Variants in MAGI2 observed in about 807,000 individuals in gnomAD.
MAGI2 encodes membrane associated guanylate kinase, WW and PDZ domain containing 2.
Under a neutral mutation model 133.3 loss-of-function variants are expected in MAGI2, and 35 were observed. The observed-to-expected ratio is 0.26, with a 90% CI of 0.20 to 0.35. MAGI2 has a LOEUF of 0.35. MAGI2 is among the 10% of genes least tolerant of loss of function. MAGI2 has a pLI of 1.00. For missense variants in MAGI2, 1,636 were observed against 1,863.4 expected, an observed-to-expected ratio of 0.88 and a Z score of 2.25; for synonymous variants, 729 against 710.6, an observed-to-expected ratio of 1.03 and a Z score of -0.41.
At chr7:78,553,012 T>C (rs566199170) in intron 3 of MAGI2, among the ~76,000 whole-genome samples, 5 of 148,526 alleles carry the variant, frequency 3.4e-5, no homozygotes, top group African/African-American at 1.2e-4. Context: ...TAGCATGGAG[T>C]GGAGGAAGAT....
At chr7:79,035,950 A>T (rs1811088776) in intron 1 of MAGI2, among the ~76,000 whole-genome samples, 1 of 152,242 alleles carries the variant, frequency 6.6e-6, no homozygotes, top group African/African-American at 2.4e-5. Flanking sequence ...TGAATAATTT[A>T]AAAATTGTTT....
chr7:78,729,178 G>C (rs1220944105), intron 2 of MAGI2, among the ~76,000 whole-genome samples: 1 of 152,100 alleles, frequency 6.6e-6, no homozygotes, highest in Non-Finnish European at 1.5e-5. Flanking sequence ...AGGCACATTG[G>C]TTTAGTGCCA....
chr7:79,260,365 TAC>T, intron 1 of MAGI2, among the ~76,000 whole-genome samples: 1 of 86 alleles, frequency 0.012, no homozygotes, highest in Admixed American at 0.1. Flanking sequence ...TCTAAGTAAA[TAC>T]ATACATACAT....
chr7:78,715,504 G>A (rs1819614021), intron 2 of MAGI2, among the ~76,000 whole-genome samples: 1 of 152,102 alleles, frequency 6.6e-6, no homozygotes, highest in African/African-American at 2.4e-5. Context: ...CAATCTACAT[G>A]ATATAGATTT....
chr7:78,511,555 T>A (rs200032883), intron 4 of MAGI2, among the ~76,000 whole-genome samples: 21,152 of 115,314 alleles, frequency 0.18, 1,394 homozygotes, highest in South Asian at 0.36. Context: ...ATATAAATTT[T>A]TTTTTTTTTT....
At chr7:78,994,357 C>G (rs1410227813) in intron 2 of MAGI2, among the ~76,000 whole-genome samples, 6 of 152,050 alleles carry the variant, frequency 3.9e-5, no homozygotes. Flanking sequence ...CAGCTACTAA[C>G]CTTGGTCTTT....
intron 6 of MAGI2, among the ~76,000 whole-genome samples, chr7:78,387,764 A>G (rs1431306527): frequency 6.6e-6 from 1 of 151,918 alleles, no homozygotes; most frequent in Non-Finnish European, 1.5e-5. Context: ...CCATCTCTAT[A>G]AAAAATACAA....
chr7:78,068,469 G>A (rs919657482), intron 21 of MAGI2, among the ~76,000 whole-genome samples: 1 of 152,092 alleles, frequency 6.6e-6, no homozygotes, highest in Non-Finnish European at 1.5e-5. Context: ...AGGTTCCTCA[G>A]TTGTAACAAA....
chr7:78,664,588 CATT>C (rs1407656442), intron 2 of MAGI2, among the ~76,000 whole-genome samples: 8 of 151,824 alleles, frequency 5.3e-5, no homozygotes, highest in African/African-American at 1.9e-4. Flanking sequence ...ATCTTGGAAT[CATT>C]AGCATTCAAA....
At chr7:78,484,461 T>C (rs771025798) in intron 6 of MAGI2, 1 of 151,974 alleles carries the variant, frequency 6.6e-6, no homozygotes, top group Non-Finnish European at 1.5e-5. Context: ...TTAAAATTCA[T>C]ACATATTGAA....
chr7:79,440,054 C>T (rs912016238), intron 1 of MAGI2, among the ~76,000 whole-genome samples: 5 of 152,136 alleles, frequency 3.3e-5, no homozygotes, highest in Non-Finnish European at 2.9e-5. Context: ...CATTTCTACT[C>T]TGCTTGGCAG....
intron 1 of MAGI2, among the ~76,000 whole-genome samples, chr7:79,167,525 C>G (rs554162281): frequency 2.0e-5 from 3 of 151,616 alleles, no homozygotes; most frequent in Admixed American, 2.0e-4. Flanking sequence ...TAATTTCTTC[C>G]AAGTGTTGCC....
At chr7:78,153,462 G>A (rs1824088996) in intron 16 of MAGI2, among the ~76,000 whole-genome samples, 1 of 152,138 alleles carries the variant, frequency 6.6e-6, no homozygotes, top group Non-Finnish European at 1.5e-5. Flanking sequence ...TTATACAAAT[G>A]CCATCAATTT....
chr7:78,469,285 A>G (rs1341446731), intron 6 of MAGI2, among the ~76,000 whole-genome samples: 2 of 152,188 alleles, frequency 1.3e-5, no homozygotes. Context: ...GCAAATGGGA[A>G]GTAAAGCACT....
chr7:78,461,290 T>C (rs559091283), intron 6 of MAGI2, among the ~76,000 whole-genome samples: 1 of 152,178 alleles, frequency 6.6e-6, no homozygotes, highest in Non-Finnish European at 1.5e-5. Flanking sequence ...AAGAGAGGGT[T>C]TGTTTCCTTA....
chr7:79,311,273 C>A (rs541827458), intron 1 of MAGI2, among the ~76,000 whole-genome samples: 3 of 152,220 alleles, frequency 2.0e-5, no homozygotes, highest in East Asian at 3.9e-4. Context: ...TTCCCTGGGC[C>A]ACCTTGGAAG....
intron 9 of MAGI2, among the ~76,000 whole-genome samples, chr7:78,258,671 T>C (rs1311372402): frequency 6.6e-6 from 1 of 152,214 alleles, no homozygotes; most frequent in East Asian, 1.9e-4. Flanking sequence ...ATTTTACATA[T>C]TTTAAGCCTT....
chr7:78,273,575 T>A (rs919918160), intron 9 of MAGI2, among the ~76,000 whole-genome samples: 1 of 152,234 alleles, frequency 6.6e-6, no homozygotes, highest in Admixed American at 6.5e-5. Context: ...GGTATACCAA[T>A]CACACGTAGA....
intron 9 of MAGI2, among the ~76,000 whole-genome samples, chr7:78,332,179 G>A (rs1032534382): frequency 3.9e-5 from 6 of 152,218 alleles, no homozygotes; most frequent in African/African-American, 1.4e-4. Flanking sequence ...AGGGAATAAA[G>A]AGGACTGTGC....
Sources: gnomAD v4.1 joint callset for allele counts (sites outside exome capture counted in the v4.1 genomes callset) on GRCh38, gnomAD v4.1.1 for gene constraint, MANE v1.5 for transcripts, NCBI Gene and HGNC (gene_info 2026-07-23, HGNC 2026-07-21) for gene names.